SMARCA2: variants seen among roughly 807,000 people sequenced by gnomAD.
The protein encoded by SMARCA2 is SWI/SNF related BAF chromatin remodeling complex subunit ATPase 2, also known as SWI/SNF-related matrix-associated actin-dependent regulator of chromatin subfamily A member 2.
A neutral mutation model predicts 199.8 loss-of-function variants in SMARCA2; 61 were observed. That is an observed-to-expected ratio of 0.31 (90% CI 0.25 to 0.38). The LOEUF is 0.38. Ranked by LOEUF, SMARCA2 falls within the 10% of genes least tolerant of loss-of-function variation. SMARCA2 has a pLI of 1.00. For synonymous variants in SMARCA2, 935 were observed against 732.0 expected, an observed-to-expected ratio of 1.28 and a Z score of -4.48; for missense variants, 1,344 against 2,012.2, an observed-to-expected ratio of 0.67 and a Z score of 6.35.
rs1478549698 is a variant in SMARCA2, at chr9:2,159,967, G to C, written c.3982-1719G>C. On this transcript the variant is annotated intron_variant, in intron 27 of 33. Transcript: ENST00000349721. ...TTCAGTAGAACTACATCCCAGGCAT[G>C]TGTAGGTGTGTAACACATCAAAAGC... The C allele has an allele frequency of 1.5e-5, 23 of 1,563,330 alleles. No homozygotes were observed. In the Admixed American group the frequency reaches 4.4e-4, roughly 30 times the overall value.
Position 2,182,830 on chromosome 9 carries a change from G to T in SMARCA2, c.4461+588G>T, listed in dbSNP as rs1003968484. ...TATTTTTTTTTCGAGATGGAGTCTCGCCCAGGCTGGAGTGCAGTGGCATGA... is the reference window on the plus strand; with the variant it reads ...TATTTTTTTTTCGAGATGGAGTCTCTCCCAGGCTGGAGTGCAGTGGCATGA... On this transcript the variant is annotated intron_variant, in intron 31 of 33. Coordinates refer to ENST00000349721, the MANE Select transcript of SMARCA2 (RefSeq NM_003070.5). 5.0e-5 allele frequency among the ~76,000 whole-genome samples: 7 copies of T among 140,962 alleles called. 1 individual carries two copies. Among genetic ancestry groups the T allele is most frequent in the African/African-American group, 1.3e-4 (5 of 37,326 alleles). 92.5% of individuals were successfully genotyped at this position (140,962 alleles called of 152,430 possible).
At chr9:2,171,899 A>G (rs1299060502) in intron 29 of SMARCA2, among the ~76,000 whole-genome samples, 4 of 152,280 alleles carry the variant, frequency 2.6e-5, no homozygotes, top group Non-Finnish European at 4.4e-5. Context: ...TTTAAAGGCT[A>G]TTTATTGCAA....
In SMARCA2 at chr9:2,123,495, T is replaced by C. The variant is rs1823554463; in HGVS notation, c.3763-224T>C. ...TCTTTAAAAGTACTTTTTAAATGTA[T>C]GAATAAGTTTCAAAAGGTGGGTACA... On this transcript the variant is annotated intron_variant, in intron 26 of 33. Coordinates refer to ENST00000349721, the MANE Select transcript of SMARCA2 (RefSeq NM_003070.5). This position sits in a 1 kb window ranked among gnomAD's most constrained non-coding sequence, Gnocchi z 4.1. Among the ~76,000 whole-genome samples, 1 of 152,200 alleles carries C rather than the reference T, an allele frequency of 6.6e-6. No homozygotes were observed. The highest frequency in any genetic ancestry group is 2.1e-4 in the South Asian group (1 of 4,834).
At chr9:2,060,056 T>C (rs1820515704) in intron 8 of SMARCA2, among the ~76,000 whole-genome samples, 1 of 142,254 alleles carries the variant, frequency 7.0e-6, no homozygotes, top group African/African-American at 2.7e-5. Context: ...AGTACCAGAC[T>C]TCAGGTGCTA....
In SMARCA2 at chr9:2,077,680, G is replaced by C. The variant is rs1821387872; in HGVS notation, c.2088G>C (p.Arg696Ser). Residue 696 changes from arginine to serine, a missense_variant, in exon 14 of 34, where the codon AGG (arginine) becomes AGC (serine). This residue lies in a region of SMARCA2 where 106 missense variants were observed against 179.7 expected (regional missense o/e 0.59). Coordinates refer to ENST00000349721, the MANE Select transcript of SMARCA2 (RefSeq NM_003070.5). The part of the protein sequence containing the change: ...DDEYSMQYSA[R>S]GSQSYYTVAH... ...AATACAGCATGCAGTACAGTGCCAG[G>C]GGCTCCCAGTCCTACTACACCGTGG... 6.2e-7 allele frequency: 1 copy of C among 1,613,898 alleles called. No homozygotes were observed. Among genetic ancestry groups the C allele is most frequent in the African/African-American group, 1.3e-5 (1 of 74,884 alleles).
Position 2,123,684 on chromosome 9 carries a change from C to T in SMARCA2, c.3763-35C>T, listed in dbSNP as rs532728640. ...GGGAAGTCTGCACCATACAGAAGCC[C>T]TGACTTTCGGTGACCCTCTTATTAA... On this transcript the variant is annotated intron_variant, in intron 26 of 33. Coordinates refer to ENST00000349721, the MANE Select transcript of SMARCA2 (RefSeq NM_003070.5). This position sits in a 1 kb window ranked among gnomAD's most constrained non-coding sequence, Gnocchi z 4.1. The T allele has an allele frequency of 2.8e-3, 4,534 of 1,594,098 alleles. 111 individuals are homozygous for T. In the African/African-American group the frequency reaches 0.054, roughly 19 times the overall value.
intron 19 of SMARCA2, among the ~76,000 whole-genome samples, chr9:2,090,976 A>T (rs954827623): frequency 3.9e-5 from 6 of 152,176 alleles, no homozygotes; most frequent in Non-Finnish European, 8.8e-5. Flanking sequence ...CTTAGCCTGG[A>T]TAAAGAATCC....
In SMARCA2 at chr9:2,051,754, GC is replaced by G. The variant is rs201492304; in HGVS notation, c.1047-2841del. Among the ~76,000 whole-genome samples, 583 of 152,302 alleles carry G rather than the reference GC, an allele frequency of 3.8e-3. 12 individuals carry two copies. Among genetic ancestry groups the G allele is most frequent in the Admixed American group, 0.036 (547 of 15,306 alleles). ...ACCAAATCATTGGCCATGGGCTCAC[GC>G]CACTATAATACTTAATTTTCCTTTG... is the stretch of plus-strand genomic sequence containing the variant. On this transcript the variant is annotated intron_variant, in intron 5 of 33. Coordinates refer to ENST00000349721, the MANE Select transcript of SMARCA2 (RefSeq NM_003070.5).
intron 28 of SMARCA2, among the ~76,000 whole-genome samples, chr9:2,168,631 A>G (rs901596018): frequency 8.5e-5 from 13 of 152,244 alleles, no homozygotes; most frequent in Admixed American, 2.0e-4. Flanking sequence ...CATCAAACCA[A>G]TGGATCTTTA....
At chr9:2,150,383 A>T (rs1825001333) in intron 27 of SMARCA2, among the ~76,000 whole-genome samples, 1 of 151,538 alleles carries the variant, frequency 6.6e-6, no homozygotes, top group South Asian at 2.1e-4. Context: ...GGCCCCACAC[A>T]AGCTTAGAGA....
chr9:2,089,925 A>G (rs957405220), intron 19 of SMARCA2, among the ~76,000 whole-genome samples: 2 of 152,200 alleles, frequency 1.3e-5, no homozygotes, highest in Non-Finnish European at 2.9e-5. Context: ...AGAGGTATAA[A>G]ATAAAAGGCA....
Position 2,088,446 on chromosome 9 carries a change from T to C in SMARCA2, c.2770-54T>C, listed in dbSNP as rs1194241128. ...ACATATGTAACATAAAGCTTTATTG[T>C]ATGAAACATCCTTTTCTTTAAAAAA... On this transcript the variant is annotated intron_variant, in intron 18 of 33. Transcript: ENST00000349721. The C allele has an allele frequency of 2.6e-6, 4 of 1,538,374 alleles. No individual in the cohort carries two copies. In the Admixed American group the frequency reaches 7.1e-5, roughly 27 times the overall value.
intron 20 of SMARCA2, 166 bp from the exon 21 acceptor site, chr9:2,097,219 C>T (rs1269218086): frequency 1.8e-6 from 1 of 550,988 alleles, no homozygotes; most frequent in African/African-American, 1.9e-5. Flanking sequence ...TTATGTCTAA[C>T]TCAGGAACTG....
At position 2,056,981 on chromosome 9, in the gene SMARCA2, A is replaced by G. The variant is rs1295524836; in HGVS notation, c.1347+136A>G. The G allele has an allele frequency of 1.4e-6, 1 of 719,468 alleles. No homozygotes were observed. Among genetic ancestry groups the G allele is most frequent in the Non-Finnish European group, 2.3e-6 (1 of 441,070 alleles). 44.6% of individuals were successfully genotyped at this position (719,468 alleles called of 1,614,324 possible). ...TCACAGAACAGAACGGTTCCTTGACATGTACATAATCCAACCACATCATTT... is the reference window on the plus strand; with the variant it reads ...TCACAGAACAGAACGGTTCCTTGACGTGTACATAATCCAACCACATCATTT... On this transcript the variant is annotated intron_variant, in intron 7 of 33. Coordinates refer to ENST00000349721, the MANE Select transcript of SMARCA2 (RefSeq NM_003070.5). This position sits in a 1 kb window ranked among gnomAD's most constrained non-coding sequence, Gnocchi z 4.0.
intron 8 of SMARCA2, among the ~76,000 whole-genome samples, chr9:2,059,116 G>T (rs1820476330): frequency 6.6e-6 from 1 of 152,090 alleles, no homozygotes; most frequent in African/African-American, 2.4e-5. Flanking sequence ...TGTTTTTATT[G>T]ACCATTTATT....
At chr9:2,190,355 A>T (rs1317253082) in intron 32 of SMARCA2, among the ~76,000 whole-genome samples, 1 of 152,260 alleles carries the variant, frequency 6.6e-6, no homozygotes, top group South Asian at 2.1e-4. Context: ...AAAAAGCAGC[A>T]AACTTCAGCC....
At chr9:2,186,304 A>G in intron 32 of SMARCA2, 76 bp downstream of exon 32, 4 of 1,470,290 alleles carry the variant, frequency 2.7e-6, no homozygotes, top group Non-Finnish European at 3.7e-6. Context: ...ATGTTCACAG[A>G]AGAGACTTTA....
At chr9:2,153,028 A>C (rs1825158092) in intron 27 of SMARCA2, among the ~76,000 whole-genome samples, 1 of 152,086 alleles carries the variant, frequency 6.6e-6, no homozygotes, top group Admixed American at 6.6e-5. Flanking sequence ...GATGAAGATG[A>C]CCCAGAGGAA....
At chr9:2,070,834 T>A (rs73638376) in intron 10 of SMARCA2, among the ~76,000 whole-genome samples, 2,467 of 152,368 alleles carry the variant, frequency 0.016, 54 homozygotes, top group African/African-American at 0.054. Flanking sequence ...ACAGTTTCTC[T>A]AGTTTATTAT....
Sources: allele counts gnomAD v4.1 joint callset (sites outside exome capture counted in the v4.1 genomes callset), GRCh38; gene constraint gnomAD v4.1.1; regional missense constraint gnomAD v4.1.1; non-coding constraint Gnocchi (gnomAD v3.1); transcripts MANE v1.5; gene names NCBI Gene and HGNC (gene_info 2026-07-23, HGNC 2026-07-21).